INO80: variants seen among roughly 807,000 people sequenced by gnomAD.
INO80 encodes INO80 complex ATPase subunit.
INO80 carries 20 observed loss-of-function variants against 203.4 expected under a neutral mutation model. That is an observed-to-expected ratio of 0.10 (90% confidence interval 0.07 to 0.14). The LOEUF (loss-of-function observed/expected upper bound fraction) is 0.14. Ranked by LOEUF, INO80 falls within the 10% of genes least tolerant of loss-of-function variation. The probability of loss-of-function intolerance (pLI) is 1.00; values close to 1 mark genes in which losing one functional copy is unlikely to be tolerated. For missense variants in INO80, 1,419 were observed against 1,914.4 expected (o/e 0.74, Z 4.83); for synonymous variants, 726 against 685.2 (o/e 1.06, Z -0.93).
In INO80 at chr15:41,062,373, G is replaced by A. The variant is rs554862058; in HGVS notation, c.1783-2447C>T. Among the ~76,000 whole-genome samples the A allele has an allele frequency of 3.6e-4, 54 of 152,094 alleles. No individual in the cohort carries two copies. In the East Asian group the frequency reaches 4.5e-3, roughly 13 times the overall value. On this transcript the variant is annotated intron_variant, in intron 14 of 35. Transcript: ENST00000648947. ...TCTCAGCACTCTGGGAGGCTGAGGC[G>A]GATGGATCACCTGAGGCCAGGAGTT...
Position 41,092,091 on chromosome 15 carries a change from T to G in INO80, c.473A>C (p.His158Pro). ...EELNLSREEL[H>P]NMLRLHKYKK... ...ATATTTGTGTAGTCGAAGCATGTTG[T>G]GAAGTTCTTCTCTGCTGAGATTGAG... The change falls in exon 5 of 36, where the codon CAC becomes CCC. Residue 158 changes from histidine (H) to proline (P), a missense_variant. Transcript: ENST00000648947. 6.2e-7 allele frequency: 1 copy of G among 1,612,778 alleles called. No individual in the cohort carries two copies. Among genetic ancestry groups the G allele is most frequent in the Non-Finnish European group, 8.5e-7 (1 of 1,178,854 alleles).
intron 8 of INO80, among the ~76,000 whole-genome samples, chr15:41,080,283 T>A (rs538672125): frequency 1.3e-5 from 2 of 152,298 alleles, no homozygotes; most frequent in South Asian, 2.1e-4. Context: ...AAAAACCCTA[T>A]GAAATTGGCA....
intron 32 of INO80, 123 bp downstream of exon 32, chr15:40,985,215 T>C (rs1351094751): frequency 3.8e-5 from 27 of 702,302 alleles, no homozygotes; most frequent in Non-Finnish European, 6.7e-5. Flanking sequence ...ATGTAGCTGA[T>C]CATACACAGC....
chr15:41,038,723 A>G (rs935724902), intron 24 of INO80, among the ~76,000 whole-genome samples: 4 of 152,138 alleles, frequency 2.6e-5, no homozygotes, highest in African/African-American at 9.7e-5. Flanking sequence ...TTAGTACCTG[A>G]CACTTGAAAC....
chr15:41,055,486 G>A, intron 17 of INO80, 122 bp from the exon 18 acceptor site: 1 of 421,822 alleles, frequency 2.4e-6, no homozygotes, highest in Non-Finnish European at 4.2e-6. Flanking sequence ...ATGTGTATGT[G>A]TGAATGAAAG....
At chr15:41,005,335 C>G (rs1353952212) in intron 28 of INO80, 1 of 333,440 alleles carries the variant, frequency 3.0e-6, no homozygotes, top group Non-Finnish European at 5.4e-6. Flanking sequence ...TTTTATTATC[C>G]AAAGAAATAG....
At chr15:41,064,096 A>G (rs1031222230) in intron 14 of INO80, among the ~76,000 whole-genome samples, 18 of 152,212 alleles carry the variant, frequency 1.2e-4, no homozygotes, top group Non-Finnish European at 2.2e-4. Flanking sequence ...GAATAGGCAG[A>G]CGAATCAGTA....
chr15:40,983,726 G>A (rs757968656), intron 34 of INO80, 36 bp downstream of exon 34: 5 of 1,602,250 alleles, frequency 3.1e-6, no homozygotes, highest in Non-Finnish European at 4.3e-6. Flanking sequence ...CTGGGCAGTG[G>A]ACCAGGCCCA....
intron 28 of INO80, among the ~76,000 whole-genome samples, chr15:40,999,020 A>ACACACAC (rs57822538): frequency 3.3e-5 from 5 of 151,492 alleles, no homozygotes; most frequent in South Asian, 2.1e-4. Flanking sequence ...ACACACACAC[A>ACACACAC]AATAAGGGCT....
chr15:41,056,852 T>G (rs2044995526), intron 16 of INO80, 146 bp from the exon 17 acceptor site: 1 of 634,642 alleles, frequency 1.6e-6, no homozygotes, highest in Admixed American at 2.7e-5. Flanking sequence ...TGAAAAACAT[T>G]ATTCAACAAA....
rs1264138648 is a variant in INO80 at position 41,096,159 on chromosome 15, A to G, written c.143+9T>C. 6 of 1,597,172 alleles carry G rather than the reference A, an allele frequency of 3.8e-6. No individual in the cohort carries two copies. In the Admixed American group the frequency reaches 7.3e-5, roughly 19 times the overall value. On this transcript the variant is annotated intron_variant, in intron 2 of 35. Transcript: ENST00000648947. The stretch of plus-strand genomic sequence containing the variant: ...TGGTAAAACATATTGCAAAGATACA[A>G]TAACATACCTAGAAATATTCCTATT...
At chr15:41,000,419 G>C (rs2043943393) in intron 28 of INO80, among the ~76,000 whole-genome samples, 1 of 152,074 alleles carries the variant, frequency 6.6e-6, no homozygotes, top group Admixed American at 6.6e-5. Flanking sequence ...TTTCTGGCCA[G>C]GTGCGGTGGC....
chr15:41,080,654 A>C (rs546212547), intron 8 of INO80, among the ~76,000 whole-genome samples: 1 of 152,224 alleles, frequency 6.6e-6, no homozygotes, highest in East Asian at 1.9e-4. Context: ...TCAGGAGTTC[A>C]AGACCAGCCT....
At chr15:41,043,374 A>C (rs756911758) in intron 24 of INO80, among the ~76,000 whole-genome samples, 2 of 152,224 alleles carry the variant, frequency 1.3e-5, no homozygotes, top group Non-Finnish European at 2.9e-5. Context: ...TGTTCCCAGT[A>C]GACATACTAG....
intron 4 of INO80, among the ~76,000 whole-genome samples, chr15:41,095,019 T>C (rs1003164792): frequency 7.4e-6 from 1 of 135,196 alleles, no homozygotes; most frequent in African/African-American, 2.9e-5. Context: ...ATATCTCATT[T>C]TGTATTGCAA....
intron 1 of INO80, 134 bp from the exon 2 acceptor site, chr15:41,096,487 A>C: frequency 1.9e-6 from 1 of 514,336 alleles, no homozygotes; most frequent in Non-Finnish European, 3.2e-6. Flanking sequence ...AGTCTGCAGA[A>C]AGATCATGAT....
At chr15:41,028,811 G>A (rs569615868) in intron 24 of INO80, among the ~76,000 whole-genome samples, 86 of 152,054 alleles carry the variant, frequency 5.7e-4, no homozygotes, top group African/African-American at 2.0e-3. Flanking sequence ...AGCTGAGATC[G>A]CACCATTGCA....
chr15:41,103,506 C>T (rs2045838152), intron 1 of INO80, among the ~76,000 whole-genome samples: 1 of 152,226 alleles, frequency 6.6e-6, no homozygotes, highest in South Asian at 2.1e-4. Flanking sequence ...TTTCCTGCCT[C>T]AGCCTCCCAG....
chr15:41,111,474 G>C (rs912013124), intron 1 of INO80, among the ~76,000 whole-genome samples: 4 of 151,812 alleles, frequency 2.6e-5, no homozygotes, highest in Non-Finnish European at 5.9e-5. Flanking sequence ...TTAATGGTCT[G>C]GTCTGTTCTT....
Sources: gnomAD v4.1 joint callset for allele counts (sites outside exome capture counted in the v4.1 genomes callset) on GRCh38, gnomAD v4.1.1 for gene constraint, MANE v1.5 for transcripts, NCBI Gene and HGNC (gene_info 2026-07-23, HGNC 2026-07-21) for gene names.